PCDHA2: variants seen among roughly 807,000 people sequenced by gnomAD.
The protein encoded by PCDHA2 is protocadherin alpha 2.
A neutral mutation model predicts 66.0 loss-of-function variants in PCDHA2; 58 were observed. That is an observed-to-expected ratio of 0.88 (90% CI 0.71 to 1.09). The LOEUF (loss-of-function observed/expected upper bound fraction) is 1.09. Among genes scored for constraint, PCDHA2 ranks in the 50% least tolerant of loss-of-function variants. The pLI, the probability that PCDHA2 is intolerant of heterozygous loss-of-function variation, is 0.00. For synonymous variants in PCDHA2, 634 were observed against 554.0 expected, an observed-to-expected ratio of 1.14 and a Z score of -2.03; for missense variants, 1,267 against 1,242.3, an observed-to-expected ratio of 1.02 and a Z score of -0.30.
chr5:140,860,530 T>C (rs1210536247), intron 1 of PCDHA2: 1 of 152,180 alleles, frequency 6.6e-6, no homozygotes, highest in Non-Finnish European at 1.5e-5. Flanking sequence ...GAATTCTGAT[T>C]TGTAAGACAA....
chr5:140,808,542 C>G, intron 1 of PCDHA2: 2 of 1,614,170 alleles, frequency 1.2e-6, no homozygotes, highest in Non-Finnish European at 1.7e-6. Context: ...AACGACAACG[C>G]TCCGGCGTTC....
intron 1 of PCDHA2, chr5:140,926,951 G>A: frequency 3.8e-6 from 6 of 1,596,266 alleles, no homozygotes; most frequent in South Asian, 1.1e-5. Context: ...GCTGCAGCGG[G>A]ACAGCTCGAG....
intron 1 of PCDHA2, among the ~76,000 whole-genome samples, chr5:140,954,349 G>A (rs554018151): frequency 2.0e-4 from 31 of 152,312 alleles, no homozygotes; most frequent in Admixed American, 1.8e-3. Flanking sequence ...AGATCTTTGA[G>A]GAATCGCCAC....
Position 140,848,325 on chromosome 5 carries a change from T to C in PCDHA2, c.2388+50973T>C, listed in dbSNP as rs1279729115. On this transcript the variant is annotated intron_variant, in intron 1 of 3. Transcript: ENST00000526136. Reference sequence around the variant, plus strand: ...TGTCACTCTTTGCCGCGATGTTCTCTCTGAATCCAGACAAATACAGCCCTT... The same window carrying C: ...TGTCACTCTTTGCCGCGATGTTCTCCCTGAATCCAGACAAATACAGCCCTT... The C allele has an allele frequency of 5.0e-6, 4 of 803,094 alleles. 1 individual carries two copies. The highest frequency in any genetic ancestry group is 2.0e-6 in the Non-Finnish European group (1 of 498,510). The allele number at this position is 803,094 out of a possible 1,614,324, so 49.7% of individuals were successfully genotyped here. A position where few individuals can be genotyped will look rare whatever the true frequency, so the allele number is the denominator to read the frequency against.
chr5:140,869,323 C>G (rs1426806563), intron 1 of PCDHA2: 13 of 1,613,746 alleles, frequency 8.1e-6, no homozygotes, highest in Non-Finnish European at 1.0e-5. Flanking sequence ...ACATGGGGAC[C>G]TTCTGGAGGT....
At chr5:140,990,273 G>A (rs2097384089) in intron 3 of PCDHA2, among the ~76,000 whole-genome samples, 2 of 152,100 alleles carry the variant, frequency 1.3e-5, no homozygotes, top group African/African-American at 4.8e-5. Flanking sequence ...AATGTACCCC[G>A]GGTCTTGAGA....
At chr5:140,912,679 T>G (rs367681467) in intron 1 of PCDHA2, among the ~76,000 whole-genome samples, 3 of 152,334 alleles carry the variant, frequency 2.0e-5, no homozygotes, top group South Asian at 4.1e-4. Context: ...CCTTGACTTA[T>G]TCCAGGTCTC....
intron 3 of PCDHA2, among the ~76,000 whole-genome samples, chr5:141,006,057 A>G (rs2098253248): frequency 6.6e-6 from 1 of 152,022 alleles, no homozygotes. Context: ...AGAGTGGAGA[A>G]GAAATAAAAA....
chr5:140,964,363 G>A (rs1050460842), intron 1 of PCDHA2, among the ~76,000 whole-genome samples: 1 of 152,188 alleles, frequency 6.6e-6, no homozygotes, highest in Non-Finnish European at 1.5e-5. Flanking sequence ...GATGACAAGA[G>A]TGCTGAAAGG....
At chr5:140,933,338 G>T (rs2089065952) in intron 1 of PCDHA2, among the ~76,000 whole-genome samples, 1 of 151,926 alleles carries the variant, frequency 6.6e-6, no homozygotes, top group South Asian at 2.1e-4. Context: ...TGTAGAGAAA[G>T]ATAAACACTT....
intron 1 of PCDHA2, chr5:140,842,835 C>A: frequency 1.3e-6 from 2 of 1,593,850 alleles, no homozygotes; most frequent in South Asian, 2.2e-5. Context: ...CGCTCGCTGT[C>A]GAGCTACATT....
chr5:140,872,703 G>C (rs1582092486), intron 1 of PCDHA2, among the ~76,000 whole-genome samples: 1 of 152,114 alleles, frequency 6.6e-6, no homozygotes, highest in Admixed American at 6.5e-5. Context: ...TGATTCCAAA[G>C]GAAACTAGGT....
chr5:140,936,077 G>A (rs2090754379), intron 1 of PCDHA2, among the ~76,000 whole-genome samples: 1 of 151,980 alleles, frequency 6.6e-6, no homozygotes, highest in South Asian at 2.1e-4. Flanking sequence ...ACTTTTAGTA[G>A]AGACAGGGTT....
rs1769616789 is a variant in PCDHA2, at chr5:140,828,216, G to A, written c.2388+30864G>A. ...TCCGTACCCGAGGAGGCCAAACACG[G>A]CACCTTCGTGGGCCGGATCGCGCAG... On this transcript the variant is annotated intron_variant, in intron 1 of 3. Transcript: ENST00000526136. The A allele has an allele frequency of 3.1e-6, 5 of 1,614,022 alleles. No individual in the cohort carries two copies. The East Asian group carries it at 1.1e-4, about 36-fold the overall frequency.
rs148283153 is a variant in PCDHA2, at chr5:140,857,227, G to C, written c.2388+59875G>C. On this transcript the variant is annotated intron_variant, in intron 1 of 3. Transcript: ENST00000526136. ...CCTGCTCTCTGACGCCTCACGTTCCGTTCAAGCTGGTGTCCACCTACAAGA... is the reference window on the plus strand; with the variant it reads ...CCTGCTCTCTGACGCCTCACGTTCCCTTCAAGCTGGTGTCCACCTACAAGA... 3.1e-6 allele frequency: 5 copies of C among 1,598,446 alleles called. 1 individual carries two copies. Among genetic ancestry groups the C allele is most frequent in the South Asian group, 1.1e-5 (1 of 90,546 alleles).
chr5:141,009,771 T>C lies in PCDHA2; in HGVS notation c.2681T>C (p.Ile894Thr), dbSNP rs142720081. 3.1e-5 allele frequency: 50 copies of C among 1,613,964 alleles called. No homozygotes were observed. The highest frequency in any genetic ancestry group is 1.6e-4 in the Middle Eastern group (1 of 6,084). Residue 894 changes from isoleucine (I) to threonine (T), a missense_variant, in exon 4 of 4, where the codon ATC (isoleucine) becomes ACC (threonine). Transcript: ENST00000526136. ...DKFIIPGSPA[I>T]ISIRQEPTNS... ...TTCATTATCCCAGGATCTCCTGCAA[T>C]CATCTCCATCCGGCAGGAGCCTACT...
intron 1 of PCDHA2, chr5:140,849,824 G>A (rs2150452119): frequency 3.1e-6 from 5 of 1,598,646 alleles, no homozygotes; most frequent in Non-Finnish European, 2.6e-6. Flanking sequence ...GGGTGTCTGT[G>A]GAGGTGGCCG....
intron 1 of PCDHA2, among the ~76,000 whole-genome samples, chr5:140,925,505 C>A (rs528944783): frequency 6.6e-5 from 10 of 152,052 alleles, no homozygotes; most frequent in African/African-American, 2.2e-4. Flanking sequence ...CCAATATCCA[C>A]GCAAAAGACC....
intron 1 of PCDHA2, among the ~76,000 whole-genome samples, chr5:140,904,556 T>A (rs1360933277): frequency 5.3e-5 from 8 of 151,780 alleles, no homozygotes; most frequent in Admixed American, 5.3e-4. Context: ...ATATAATGAC[T>A]TTTTTTTCCT....
Sources: allele counts gnomAD v4.1 joint callset (sites outside exome capture counted in the v4.1 genomes callset), GRCh38; gene constraint gnomAD v4.1.1; transcripts MANE v1.5; gene names NCBI Gene and HGNC (gene_info 2026-07-23, HGNC 2026-07-21).